Variants in AFF3 observed in about 807,000 individuals in gnomAD.
AFF3 encodes the protein ALF transcription elongation factor 3.
In AFF3, 32 loss-of-function variants were observed where a neutral mutation model predicts 129.7. The observed-to-expected ratio is 0.25, with a 90% CI of 0.19 to 0.33. The LOEUF (loss-of-function observed/expected upper bound fraction) is 0.33. AFF3 is among the 10% of genes least tolerant of loss of function. The pLI is 1.00. For missense variants in AFF3, 1,373 were observed against 1,592.0 expected (o/e 0.86, Z 2.34); for synonymous variants, 644 against 635.4 (o/e 1.01, Z -0.20).
intron 8 of AFF3, among the ~76,000 whole-genome samples, chr2:99,752,858 T>C (rs907385901): frequency 6.6e-6 from 1 of 152,216 alleles, no homozygotes; most frequent in Non-Finnish European, 1.5e-5. Flanking sequence ...TCATTTCTTA[T>C]AACACAGTAT....
chr2:99,839,809 A>G (rs536398615), intron 7 of AFF3, among the ~76,000 whole-genome samples: 2 of 151,698 alleles, frequency 1.3e-5, no homozygotes, highest in East Asian at 3.9e-4. Flanking sequence ...TTGGGGTTTC[A>G]CTATGTTAGC....
At chr2:100,014,954 ATTTTTTTTTTTT>A (rs562822524) in intron 4 of AFF3, among the ~76,000 whole-genome samples, 1 of 121,658 alleles carries the variant, frequency 8.2e-6, no homozygotes, top group Non-Finnish European at 1.7e-5. Flanking sequence ...CAGCCAGCTA[ATTTTTTTTTTTT>A]TTTTTTTTTT....
At chr2:99,856,806 T>C (rs1690564520) in intron 7 of AFF3, among the ~76,000 whole-genome samples, 1 of 152,182 alleles carries the variant, frequency 6.6e-6, no homozygotes, top group South Asian at 2.1e-4. Flanking sequence ...TATTAAATTA[T>C]ATATAAGTAT....
chr2:100,131,243 G>T (rs1001954001), intron 1 of AFF3, among the ~76,000 whole-genome samples: 4 of 152,080 alleles, frequency 2.6e-5, no homozygotes, highest in African/African-American at 7.2e-5. Context: ...TGATTTTCAG[G>T]TTAGTATTAA....
At chr2:100,122,131 A>G (rs999294896) in intron 2 of AFF3, among the ~76,000 whole-genome samples, 4 of 152,234 alleles carry the variant, frequency 2.6e-5, no homozygotes, top group African/African-American at 9.6e-5. Context: ...AGTTGGGGAA[A>G]TTAATGTTTA....
chr2:99,966,689 CAAAAAAAAAAAAAAAAAA>C (rs61351679), intron 7 of AFF3, among the ~76,000 whole-genome samples: 9 of 36,700 alleles, frequency 2.5e-4, no homozygotes, highest in African/African-American at 4.3e-4. Context: ...GACTCCGTCT[CAAAAAAAAAAAAAAAAAA>C]AAAAAAAAAA....
intron 1 of AFF3, among the ~76,000 whole-genome samples, chr2:100,134,345 A>AT (rs1342877052): frequency 2.0e-5 from 3 of 152,086 alleles, no homozygotes; most frequent in Non-Finnish European, 4.4e-5. Flanking sequence ...ATAAAGTAAA[A>AT]TTTTTCTTCC....
intron 4 of AFF3, among the ~76,000 whole-genome samples, chr2:100,041,396 C>T (rs888075639): frequency 3.3e-5 from 5 of 152,158 alleles, no homozygotes; most frequent in East Asian, 1.9e-4. Context: ...AGTGCTAAGT[C>T]GCCTAATCTT....
At chr2:99,618,379 A>C (rs1681662940) in intron 13 of AFF3, among the ~76,000 whole-genome samples, 3 of 151,400 alleles carry the variant, frequency 2.0e-5, no homozygotes, top group East Asian at 2.0e-4. Flanking sequence ...GGGATTACAG[A>C]CACTCGCCAT....
intron 8 of AFF3, among the ~76,000 whole-genome samples, chr2:99,783,188 G>A (rs1267267910): frequency 6.6e-6 from 1 of 152,192 alleles, no homozygotes; most frequent in Non-Finnish European, 1.5e-5. Context: ...TAAAGCTTTT[G>A]CTCTATCCCA....
At chr2:99,690,330 G>A (rs1040920040) in intron 11 of AFF3, among the ~76,000 whole-genome samples, 26 of 150,754 alleles carry the variant, frequency 1.7e-4, no homozygotes, top group African/African-American at 3.9e-4. Context: ...ACAGGCACCC[G>A]CCACCACGCC....
intron 7 of AFF3, among the ~76,000 whole-genome samples, chr2:99,947,601 A>AAGATAGAT (rs70940190): frequency 1.5e-3 from 199 of 136,592 alleles, no homozygotes; most frequent in South Asian, 2.6e-3. Context: ...GAAAGAAAGA[A>AAGATAGAT]AGATAGATAG....
chr2:99,806,339 A>C (rs1045697148), intron 8 of AFF3, among the ~76,000 whole-genome samples: 2 of 152,196 alleles, frequency 1.3e-5, no homozygotes, highest in Admixed American at 1.3e-4. Flanking sequence ...TGCAACACAG[A>C]GCGGAAAATA....
chr2:99,853,928 T>C (rs1449981006), intron 7 of AFF3, among the ~76,000 whole-genome samples: 1 of 152,158 alleles, frequency 6.6e-6, no homozygotes, highest in African/African-American at 2.4e-5. Context: ...AAAAAAGTAG[T>C]TTCATTCAAC....
At chr2:99,847,237 G>A (rs903812480) in intron 7 of AFF3, among the ~76,000 whole-genome samples, 3 of 151,616 alleles carry the variant, frequency 2.0e-5, no homozygotes, top group Admixed American at 1.3e-4. Context: ...GTGCAATGGC[G>A]CTATCTTGGC....
Position 100,034,455 on chromosome 2 carries a change from CATTTCAGA to C in AFF3, c.54-25531_54-25524del, listed in dbSNP as rs369906209. 8.5e-3 allele frequency among the ~76,000 whole-genome samples: 1,301 copies of C among 152,184 alleles called. 16 individuals are homozygous for C. Among genetic ancestry groups the C allele is most frequent in the African/African-American group, 0.03 (1,233 of 41,554 alleles). On this transcript the variant is annotated intron_variant, in intron 4 of 24. Coordinates refer to ENST00000672756, the MANE Select transcript of AFF3 (RefSeq NM_001386135.1). ...GTTTTCAAATACACCAATCTCTTTT[CATTTCAGA>C]ATTTTAAAAACTCATTAGAAGGACT...
At chr2:99,801,019 A>G (rs1685901854) in intron 8 of AFF3, among the ~76,000 whole-genome samples, 1 of 152,188 alleles carries the variant, frequency 6.6e-6, no homozygotes, top group Non-Finnish European at 1.5e-5. Flanking sequence ...CAAAACAATA[A>G]TAATGCAAAT....
Position 99,826,854 on chromosome 2 carries a change from T to C in AFF3, c.921+10623A>G, listed in dbSNP as rs573079856. ...TGGATTCTGCCTCCATTGTGGAGAC[T>C]AGTGGGAGGCAGAGGGCTGGCAAGC... On this transcript the variant is annotated intron_variant, in intron 8 of 24. Transcript: ENST00000672756. 3.3e-5 allele frequency among the ~76,000 whole-genome samples: 5 copies of C among 152,000 alleles called. No homozygotes were observed. In the South Asian group the frequency reaches 1.0e-3, roughly 32 times the overall value.
At chr2:99,908,289 A>G (rs1298285533) in intron 7 of AFF3, among the ~76,000 whole-genome samples, 1 of 152,174 alleles carries the variant, frequency 6.6e-6, no homozygotes, top group Non-Finnish European at 1.5e-5. Context: ...GAAAGCTGAA[A>G]CTGGATCCCT....
Sources: allele counts gnomAD v4.1 joint callset (sites outside exome capture counted in the v4.1 genomes callset), GRCh38; gene constraint gnomAD v4.1.1; transcripts MANE v1.5; gene names NCBI Gene and HGNC (gene_info 2026-07-23, HGNC 2026-07-21).